The following NR2E1 variants were observed in gnomAD, a reference collection of about 807,000 sequenced individuals.
The protein encoded by NR2E1 is nuclear receptor subfamily 2 group E member 1.
A neutral mutation model predicts 43.6 loss-of-function variants in NR2E1; 5 were observed. That is an observed-to-expected ratio of 0.11 (90% CI 0.06 to 0.24). The LOEUF (loss-of-function observed/expected upper bound fraction) is 0.24. NR2E1 is among the 10% of genes least tolerant of loss of function. The pLI, the probability that NR2E1 is intolerant of heterozygous loss-of-function variation, is 1.00. For synonymous variants in NR2E1, 191 were observed against 195.5 expected, an observed-to-expected ratio of 0.98 and a Z score of 0.19; for missense variants, 287 against 496.7, an observed-to-expected ratio of 0.58 and a Z score of 4.01.
chr6:108,173,002 A>G (rs1773837750), intron 2 of NR2E1, among the ~76,000 whole-genome samples: 2 of 152,240 alleles, frequency 1.3e-5, no homozygotes. Flanking sequence ...GCTTTTATGC[A>G]GTGAACAGAA....
intron 1 of NR2E1, chr6:108,168,155 TC>T: frequency 6.3e-7 from 1 of 1,589,280 alleles, no homozygotes; most frequent in South Asian, 1.2e-5. Context: ...TGTTGGAATC[TC>T]CAGGAGGTAA....
At position 108,171,623 on chromosome 6, in the gene NR2E1, A is replaced by G. The variant is rs200165066; in HGVS notation, c.171+20A>G. The G allele has an allele frequency of 6.2e-7, 1 of 1,613,816 alleles. No homozygotes were observed. Among genetic ancestry groups the G allele is most frequent in the Non-Finnish European group, 8.5e-7 (1 of 1,180,004 alleles). ...AACCAGGTACCTTAGCCAGGGCTGC[A>G]CTGCTGGGCTCCGCTCTGCTGCCTC... On this transcript the variant is annotated intron_variant, in intron 2 of 8. Transcript: ENST00000368986.
chr6:108,181,476 G>C (rs1346201572), intron 7 of NR2E1, 70 bp from the exon 8 acceptor site: 4 of 1,297,460 alleles, frequency 3.1e-6, no homozygotes, highest in Non-Finnish European at 4.5e-6. Context: ...TTACAGGCGT[G>C]AGCACTGCGC....
chr6:108,186,363 T>C (rs760474431), intron 8 of NR2E1, among the ~76,000 whole-genome samples: 1 of 152,198 alleles, frequency 6.6e-6, no homozygotes, highest in Non-Finnish European at 1.5e-5. Flanking sequence ...GTTGCTCCCC[T>C]GAACTTTATT....
chr6:108,187,197 G>A (rs1439837656), intron 8 of NR2E1, 104 bp from the exon 9 acceptor site: 1 of 1,327,434 alleles, frequency 7.5e-7, no homozygotes, highest in African/African-American at 1.4e-5. Flanking sequence ...TTATTCAAGA[G>A]ACCTAGATCA....
In NR2E1 at chr6:108,176,677, C is replaced by T. The variant is rs1226745616; in HGVS notation, c.434C>T (p.Ala145Val). ...TQLEPHGLEL[A>V]AVSTTPERQT... is the part of the protein sequence containing the mutation. The stretch of plus-strand genomic sequence containing the variant: ...CTGGAGCCGCACGGCCTGGAGCTGG[C>T]CGCGGTGTCCACCACTCCAGAGCGG... Residue 145 changes from alanine (A) to valine (V), a missense_variant, in exon 4 of 9, where the codon GCC becomes GTC. Physicochemically the swap from Ala to Val is moderately conservative, Grantham distance 64. Coordinates refer to ENST00000368986, the MANE Select transcript of NR2E1 (RefSeq NM_003269.5). The T allele has an allele frequency of 6.2e-7, 1 of 1,600,124 alleles. No individual in the cohort carries two copies.
intron 5 of NR2E1, among the ~76,000 whole-genome samples, chr6:108,178,486 CACAT>C (rs1239223052): frequency 2.0e-5 from 3 of 152,172 alleles, no homozygotes; most frequent in Non-Finnish European, 2.9e-5. Context: ...TGTGAAAACA[CACAT>C]ACAAGAACAT....
At chr6:108,168,355 G>C (rs566658577) in intron 1 of NR2E1, among the ~76,000 whole-genome samples, 8 of 152,340 alleles carry the variant, frequency 5.3e-5, no homozygotes, top group African/African-American at 1.9e-4. Flanking sequence ...GGAGCCCCGG[G>C]CTCTTTCGTC....
At chr6:108,171,721 T>C in intron 2 of NR2E1, 118 bp downstream of exon 2, 1 of 1,246,066 alleles carries the variant, frequency 8.0e-7, no homozygotes. Context: ...CCCTGACCTC[T>C]CCCTTCCTCT....
chr6:108,169,120 C>G lies in NR2E1; in HGVS notation c.25+2330C>G, dbSNP rs941169970. On this transcript the variant is annotated intron_variant, in intron 1 of 8. Transcript: ENST00000368986. This position sits in a 1 kb window ranked among gnomAD's most constrained non-coding sequence, Gnocchi z 6.1. The stretch of plus-strand genomic sequence containing the variant: ...GGGTCAACCAGCTTGTCTCGTGACC[C>G]CAAGTCACCTTAACGTGGCTGGGTG... Among the ~76,000 whole-genome samples, 33 of 152,324 alleles carry G rather than the reference C, an allele frequency of 2.2e-4. No homozygotes were observed. Among genetic ancestry groups the G allele is most frequent in the African/African-American group, 7.7e-4 (32 of 41,582 alleles).
chr6:108,166,684 G>A lies in NR2E1; in HGVS notation c.-82G>A. On this transcript the variant is annotated 5_prime_UTR_variant, in exon 1 of 9. Transcript: ENST00000368986. The surrounding 1 kb of genome is among the most constrained non-coding windows in gnomAD (Gnocchi z 7.2). ...GCAGGCTGGAGGGCAGCTGGAGAGC[G>A]GCGGCGCCCGGCGGCGAGGCGGGCG... The A allele has an allele frequency of 4.9e-6, 6 of 1,228,346 alleles. No individual in the cohort carries two copies. The South Asian group carries it at 9.3e-5, about 19-fold the overall frequency. The allele number at this position is 1,228,346 out of a possible 1,614,324, so 76.1% of individuals were successfully genotyped here.
In NR2E1 at chr6:108,188,093, C is replaced by T. The variant is rs1019810191; in HGVS notation, c.*630C>T. 13 of 152,850 alleles carry T rather than the reference C, an allele frequency of 8.5e-5. 1 individual carries two copies. The highest frequency in any genetic ancestry group is 3.2e-4 in the African/African-American group (13 of 40,898). 9.5% of individuals were successfully genotyped at this position (152,850 alleles called of 1,614,324 possible). ...TCTCTTTCTTTTGTTCTTTCTTCTT[C>T]TTTTTTAATACCATAGGCCAGGCAA... On this transcript the variant is annotated 3_prime_UTR_variant, in exon 9 of 9. Coordinates refer to ENST00000368986, the MANE Select transcript of NR2E1 (RefSeq NM_003269.5).
rs1265164002 is a variant in NR2E1 at position 108,180,807 on chromosome 6, G to T, written c.740G>T (p.Gly247Val). The T allele has an allele frequency of 1.2e-6, 2 of 1,613,600 alleles. No homozygotes were observed. The highest frequency in any genetic ancestry group is 1.7e-6 in the Non-Finnish European group (2 of 1,179,544). The change falls in exon 7 of 9, where the codon GGC becomes GTC. Residue 247 changes from glycine (G) to valine (V), a missense_variant and splice_region_variant. Physicochemically the swap from Gly to Val is moderately radical, Grantham distance 109 (BLOSUM62 -3). Transcript: ENST00000368986. The surrounding 1 kb of genome is among the most constrained non-coding windows in gnomAD (Gnocchi z 5.4). ...VDANTLLAVS[G>V]MNGDNTDSQK... Reference sequence around the variant, plus strand: ...TATTTATCCCATATTTTTATTCTAGGCATGAACGGTGACAACACAGATTCC... The same window carrying T: ...TATTTATCCCATATTTTTATTCTAGTCATGAACGGTGACAACACAGATTCC...
chr6:108,183,224 G>A (rs1774020180), intron 8 of NR2E1, among the ~76,000 whole-genome samples: 1 of 152,030 alleles, frequency 6.6e-6, no homozygotes, highest in Non-Finnish European at 1.5e-5. Flanking sequence ...ACTGGGGGCT[G>A]AGGTGGCTCC....
chr6:108,174,358 A>G (rs1773860895), intron 2 of NR2E1, among the ~76,000 whole-genome samples: 1 of 152,314 alleles, frequency 6.6e-6, no homozygotes, highest in Admixed American at 6.5e-5. Flanking sequence ...AGCAGAAAGA[A>G]TCGTTGGTGG....
intron 3 of NR2E1, among the ~76,000 whole-genome samples, chr6:108,175,904 T>A (rs924655289): frequency 3.3e-5 from 5 of 152,226 alleles, no homozygotes; most frequent in Non-Finnish European, 4.4e-5. Flanking sequence ...TGGTGGTAAT[T>A]GTCACATCTC....
At chr6:108,174,711 T>TCGG (rs1345099181) in intron 2 of NR2E1, 125 bp from the exon 3 acceptor site, 5 of 752,836 alleles carry the variant, frequency 6.6e-6, no homozygotes, top group African/African-American at 3.5e-5. Context: ...AGGCCCAGGC[T>TCGG]CGGGGCTCCA....
chr6:108,174,508 T>G (rs559323156), intron 2 of NR2E1, among the ~76,000 whole-genome samples: 32 of 152,138 alleles, frequency 2.1e-4, no homozygotes, highest in African/African-American at 7.0e-4. Context: ...CTGGCGGAAG[T>G]TCCCCTAGCG....
intron 1 of NR2E1, among the ~76,000 whole-genome samples, chr6:108,170,389 C>T (rs1038128390): frequency 6.6e-6 from 1 of 152,076 alleles, no homozygotes; most frequent in Non-Finnish European, 1.5e-5. Flanking sequence ...ATTTCTAAGT[C>T]CCTATAAACC....
Sources: gnomAD v4.1 joint callset for allele counts (sites outside exome capture counted in the v4.1 genomes callset) on GRCh38, gnomAD v4.1.1 for gene constraint, Gnocchi (gnomAD v3.1) non-coding constraint, MANE v1.5 for transcripts, NCBI Gene and HGNC (gene_info 2026-07-23, HGNC 2026-07-21) for gene names.